DAZL: variants seen among roughly 807,000 people sequenced by gnomAD.
DAZL encodes the protein deleted in azoospermia like.
DAZL carries 4 observed loss-of-function variants against 45.0 expected under a neutral mutation model. The ratio of observed to expected loss-of-function variants is 0.09; its 90% CI spans 0.04 to 0.20. The LOEUF (loss-of-function observed/expected upper bound fraction) is 0.20. Ranked by LOEUF, DAZL falls within the 10% of genes least tolerant of loss-of-function variation. DAZL has a pLI of 1.00. For missense variants in DAZL, 326 were observed against 351.3 expected (o/e 0.93, Z 0.58); for synonymous variants, 122 against 112.4 (o/e 1.09, Z -0.54).
chr3:16,595,443 ATAT>A (rs985493352), intron 6 of DAZL, 58 bp from the exon 7 acceptor site: 1 of 1,024,372 alleles, frequency 9.8e-7, no homozygotes, highest in South Asian at 1.5e-5. Context: ...AAAATTAGAA[ATAT>A]TATTCCCAAT....
At chr3:16,590,515 A>T (rs999262116) in intron 10 of DAZL, among the ~76,000 whole-genome samples, 1 of 152,230 alleles carries the variant, frequency 6.6e-6, no homozygotes, top group Non-Finnish European at 1.5e-5. Flanking sequence ...AATATGACTT[A>T]GCAATTCCAT....
chr3:16,601,347 G>A (rs954366777), intron 1 of DAZL, among the ~76,000 whole-genome samples: 8 of 152,126 alleles, frequency 5.3e-5, no homozygotes, highest in African/African-American at 1.9e-4. Context: ...TGCTTAACTG[G>A]AATCGTAAAT....
intron 1 of DAZL, among the ~76,000 whole-genome samples, chr3:16,601,758 T>C (rs1694693131): frequency 6.8e-6 from 1 of 146,498 alleles, no homozygotes; most frequent in African/African-American, 2.5e-5. Flanking sequence ...GTTGGAATAG[T>C]AAACGGGTGA....
chr3:16,596,850 T>G lies in DAZL; in HGVS notation c.398A>C (p.His133Pro), dbSNP rs1007878255. The G allele has an allele frequency of 1.2e-6, 2 of 1,613,914 alleles. No individual in the cohort carries two copies. Among genetic ancestry groups the G allele is most frequent in the Non-Finnish European group, 1.7e-6 (2 of 1,179,794 alleles). Residue 133 changes from histidine to proline, a missense_variant, in exon 6 of 11, where the codon CAT (histidine) becomes CCT (proline). This residue lies in a region of DAZL where 227 missense variants were observed against 216.6 expected (regional missense o/e 1.05). Coordinates refer to ENST00000399444, the MANE Select transcript of DAZL (RefSeq NM_001351.4). ...ATTCTGAAACTGTGGTGGAGGAGGA[T>G]GATTAAAAACCAAAGGACGTGGCTG... Reference protein sequence around the residue: ...HVQPRPLVFNHPPPPQFQNVW... With the variant: ...HVQPRPLVFNPPPPPQFQNVW...
rs980515806 is a variant in DAZL, at chr3:16,605,386, G to A, written c.-181C>T. 6.7e-6 allele frequency: 5 copies of A among 742,828 alleles called. No individual in the cohort carries two copies. Among genetic ancestry groups the A allele is most frequent in the Admixed American group, 4.3e-5 (2 of 46,940 alleles). The allele number at this position is 742,828 out of a possible 1,614,324, so 46.0% of individuals were successfully genotyped here. A position where few individuals can be genotyped will look rare whatever the true frequency, so the allele number is the denominator to read the frequency against. On this transcript the variant is annotated 5_prime_UTR_variant, in exon 1 of 11. Transcript: ENST00000399444. ...GCGGGTGACAAGGCTGAGGAGCCCC[G>A]AAAGGCGGACCGTCAGGCTGAGGAG...
In DAZL at chr3:16,598,436, G is replaced by A. The variant is rs753450299; in HGVS notation, c.150+16C>T. The A allele has an allele frequency of 1.2e-6, 2 of 1,605,010 alleles. No individual in the cohort carries two copies. Among genetic ancestry groups the A allele is most frequent in the South Asian group, 2.2e-5 (2 of 90,998 alleles). ...ATAATGCATTTCAAGGTAAAAATGA[G>A]GTATGAATACAATACCCTAACATCA... On this transcript the variant is annotated intron_variant, in intron 2 of 10. Transcript: ENST00000399444.
rs1161932604 is a variant in DAZL at position 16,588,645 on chromosome 3, G to C, written c.*15C>G. The C allele has an allele frequency of 1.3e-6, 2 of 1,599,748 alleles. No individual in the cohort carries two copies. Among genetic ancestry groups the C allele is most frequent in the Non-Finnish European group, 1.7e-6 (2 of 1,167,486 alleles). On this transcript the variant is annotated 3_prime_UTR_variant, in exon 11 of 11. Transcript: ENST00000399444. Reference sequence around the variant, plus strand: ...AAACCAGCAACTTCCCATGTAACTAGATAAGCCAGGAGGATCAAACAGATT... The same window carrying C: ...AAACCAGCAACTTCCCATGTAACTACATAAGCCAGGAGGATCAAACAGATT...
Position 16,586,847 on chromosome 3 carries a change from AG to A in DAZL, c.*1812del, listed in dbSNP as rs1246122940. The A allele has an allele frequency of 6.6e-6, 1 of 152,190 alleles. No homozygotes were observed. Among genetic ancestry groups the A allele is most frequent in the Admixed American group, 6.5e-5 (1 of 15,280 alleles). 9.4% of individuals were successfully genotyped at this position (152,190 alleles called of 1,614,324 possible). ...TGTATGCAAAGACAGTATCAGCAATAGGCAGAAGCATATTTCTAAGTTTAGA... is the reference window on the plus strand; with the variant it reads ...TGTATGCAAAGACAGTATCAGCAATAGCAGAAGCATATTTCTAAGTTTAGA... On this transcript the variant is annotated 3_prime_UTR_variant, in exon 11 of 11. Coordinates refer to ENST00000399444, the MANE Select transcript of DAZL (RefSeq NM_001351.4).
At chr3:16,590,016 T>C (rs1349492414) in intron 10 of DAZL, among the ~76,000 whole-genome samples, 1 of 152,166 alleles carries the variant, frequency 6.6e-6, no homozygotes, top group Non-Finnish European at 1.5e-5. Flanking sequence ...GAGGTTGTAG[T>C]AAGCTGTGAT....
At chr3:16,593,872 G>A (rs1447901662) in intron 8 of DAZL, 104 bp from the exon 9 acceptor site, 1 of 706,066 alleles carries the variant, frequency 1.4e-6, no homozygotes, top group Non-Finnish European at 2.4e-6. Flanking sequence ...TTCAATGTAG[G>A]TTGTGTTGAA....
At chr3:16,600,718 G>A (rs1426372337) in intron 1 of DAZL, among the ~76,000 whole-genome samples, 3 of 152,136 alleles carry the variant, frequency 2.0e-5, no homozygotes, top group African/African-American at 4.8e-5. Flanking sequence ...TTGATTTGTG[G>A]ATGAACTTTG....
At chr3:16,601,928 T>G (rs1023365503) in intron 1 of DAZL, among the ~76,000 whole-genome samples, 5 of 152,222 alleles carry the variant, frequency 3.3e-5, no homozygotes, top group Non-Finnish European at 7.3e-5. Flanking sequence ...TCTAATTCAA[T>G]TACTATGTGA....
rs1694764323 is a variant in DAZL, at chr3:16,605,392, C to T, written c.-187G>A. On this transcript the variant is annotated 5_prime_UTR_variant, in exon 1 of 11. Coordinates refer to ENST00000399444, the MANE Select transcript of DAZL (RefSeq NM_001351.4). ...GACAAGGCTGAGGAGCCCCGAAAGG[C>T]GGACCGTCAGGCTGAGGAGCGCAGG... 1.4e-5 allele frequency: 10 copies of T among 720,394 alleles called. No homozygotes were observed. The highest frequency in any genetic ancestry group is 4.3e-5 in the Admixed American group (2 of 46,146). The allele number at this position is 720,394 out of a possible 1,614,324, so 44.6% of individuals were successfully genotyped here. A position where few individuals can be genotyped will look rare whatever the true frequency, so the allele number is the denominator to read the frequency against.
At chr3:16,604,602 C>G (rs1347897197) in intron 1 of DAZL, 3 of 1,385,994 alleles carry the variant, frequency 2.2e-6, no homozygotes, top group Non-Finnish European at 2.8e-6. Flanking sequence ...CCCCACACCC[C>G]ACGCTGAGGC....
rs555672520 is a variant in DAZL, at chr3:16,604,379, A to T, written c.3+824T>A. The T allele has an allele frequency of 9.3e-6, 13 of 1,401,178 alleles. No homozygotes were observed. In the African/African-American group the frequency reaches 1.1e-4, roughly 12 times the overall value. 86.8% of individuals were successfully genotyped at this position (1,401,178 alleles called of 1,614,324 possible). The stretch of plus-strand genomic sequence containing the variant: ...AAAGGATCCTGGTTTATCGAGAGGG[A>T]AAAAACCGTACCCAGAATTTAAAAA... On this transcript the variant is annotated intron_variant, in intron 1 of 10. Coordinates refer to ENST00000399444, the MANE Select transcript of DAZL (RefSeq NM_001351.4).
In DAZL at chr3:16,598,623, T is replaced by C. The variant is rs201787479; in HGVS notation, c.4-25A>G. The C allele has an allele frequency of 2.3e-3, 3,695 of 1,584,432 alleles. 12 individuals are homozygous for C. Among genetic ancestry groups the C allele is most frequent in the Admixed American group, 4.2e-3 (248 of 59,672 alleles). On this transcript the variant is annotated intron_variant, in intron 1 of 10. Transcript: ENST00000399444. Reference sequence around the variant, plus strand: ...ACTGTAATTTGGAAAGTAGACATCATAATTAGATACACAGGAAAAACCTAT... The same window carrying C: ...ACTGTAATTTGGAAAGTAGACATCACAATTAGATACACAGGAAAAACCTAT...
chr3:16,603,805 G>A lies in DAZL; in HGVS notation c.3+1398C>T, dbSNP rs189582969. ...GTTGTAAAATAGTATTATGCAGCAC[G>A]GTGTAACTCTTGTAAAAGTTGGCCC... On this transcript the variant is annotated intron_variant, in intron 1 of 10. Transcript: ENST00000399444. Among the ~76,000 whole-genome samples the A allele has an allele frequency of 3.2e-3, 481 of 152,212 alleles. 2 individuals are homozygous for A. The highest frequency in any genetic ancestry group is 0.011 in the African/African-American group (442 of 41,526).
chr3:16,605,122 T>G, intron 1 of DAZL, 81 bp downstream of exon 1: 1 of 1,576,684 alleles, frequency 6.3e-7, no homozygotes, highest in Non-Finnish European at 8.7e-7. Context: ...ATGACTTCAC[T>G]TTCCGACCCT....
rs1453525075 is a variant in DAZL, at chr3:16,605,184, G to T, written c.3+19C>A. ...AAGACTCCGCCAGCCTTGCCCCTCG[G>T]GCCTCTCCCTCAACTCACCATGATG... On this transcript the variant is annotated intron_variant, in intron 1 of 10. Coordinates refer to ENST00000399444, the MANE Select transcript of DAZL (RefSeq NM_001351.4). 1.9e-6 allele frequency: 3 copies of T among 1,613,990 alleles called. No homozygotes were observed. Among genetic ancestry groups the T allele is most frequent in the African/African-American group, 2.7e-5 (2 of 74,946 alleles).
Sources: allele counts gnomAD v4.1 joint callset (sites outside exome capture counted in the v4.1 genomes callset), GRCh38; gene constraint gnomAD v4.1.1; regional missense constraint gnomAD v4.1.1; transcripts MANE v1.5; gene names NCBI Gene and HGNC (gene_info 2026-07-23, HGNC 2026-07-21).